Variants in PCDHGA11 observed in about 807,000 individuals in gnomAD.
PCDHGA11 encodes protocadherin gamma-A11.
PCDHGA11 carries 39 observed loss-of-function variants against 60.4 expected under a neutral mutation model. The observed-to-expected ratio is 0.65, with a 90% CI of 0.50 to 0.84. The LOEUF is 0.84. Ranked by LOEUF, PCDHGA11 falls within the 40% of genes least tolerant of loss-of-function variation. The probability of loss-of-function intolerance (pLI) is 0.00; values close to 1 mark genes in which losing one functional copy is unlikely to be tolerated. For synonymous variants in PCDHGA11, 533 were observed against 510.3 expected (o/e 1.04, Z -0.60); for missense variants, 1,165 against 1,197.7 (o/e 0.97, Z 0.40).
At chr5:141,445,768 T>A (rs2098476928) in intron 1 of PCDHGA11, among the ~76,000 whole-genome samples, 1 of 152,074 alleles carries the variant, frequency 6.6e-6, no homozygotes, top group Admixed American at 6.6e-5. Context: ...CTCAAGCAAT[T>A]TAAAAGGGCT....
At chr5:141,484,392 T>G (rs1454201773) in intron 1 of PCDHGA11, among the ~76,000 whole-genome samples, 1 of 152,162 alleles carries the variant, frequency 6.6e-6, no homozygotes, top group African/African-American at 2.4e-5. Flanking sequence ...TAAGAAAGGT[T>G]TGGTTTCCGC....
At chr5:141,471,860 A>G (rs1470502617) in intron 1 of PCDHGA11, among the ~76,000 whole-genome samples, 1 of 152,202 alleles carries the variant, frequency 6.6e-6, no homozygotes, top group Non-Finnish European at 1.5e-5. Flanking sequence ...AAAAAGCAAA[A>G]CTGTGGTTGC....
intron 1 of PCDHGA11, among the ~76,000 whole-genome samples, chr5:141,439,623 C>T (rs1219064055): frequency 6.6e-6 from 1 of 152,186 alleles, no homozygotes; most frequent in East Asian, 1.9e-4. Context: ...ATGAGCCAAT[C>T]CCCAGACATT....
In PCDHGA11 at chr5:141,432,700, G is replaced by C. The variant is rs1320099367; in HGVS notation, c.2433+9040G>C. 4 of 1,613,980 alleles carry C rather than the reference G, an allele frequency of 2.5e-6. No individual in the cohort carries two copies. In the Admixed American group the frequency reaches 6.7e-5, roughly 27 times the overall value. ...AGCAGAGCCTCGTAGTGGCCGTCCA[G>C]GACCACGGCCAGCCCCCTCTCTCCG... On this transcript the variant is annotated intron_variant, in intron 1 of 3. Coordinates refer to ENST00000398587, the MANE Select transcript of PCDHGA11 (RefSeq NM_018914.3). The surrounding 1 kb of genome is among the most constrained non-coding windows in gnomAD (Gnocchi z 6.0).
At chr5:141,470,838 C>T (rs142581300) in intron 1 of PCDHGA11, among the ~76,000 whole-genome samples, 5 of 152,222 alleles carry the variant, frequency 3.3e-5, no homozygotes, top group African/African-American at 7.2e-5. Flanking sequence ...CAAACACACG[C>T]CACCATGCTC....
At chr5:141,478,045 T>C in intron 1 of PCDHGA11, 3 of 1,614,144 alleles carry the variant, frequency 1.9e-6, no homozygotes, top group East Asian at 2.2e-5. Flanking sequence ...CCAGGCAGAC[T>C]CTCACGGTCT....
intron 1 of PCDHGA11, chr5:141,426,496 G>A: frequency 3.0e-6 from 1 of 337,022 alleles, no homozygotes; most frequent in South Asian, 2.4e-5. Flanking sequence ...AGTTAGTGCA[G>A]AGAAACAATA....
chr5:141,467,554 T>A (rs2099145880), intron 1 of PCDHGA11, among the ~76,000 whole-genome samples: 1 of 152,238 alleles, frequency 6.6e-6, no homozygotes. Flanking sequence ...TATATCTTTT[T>A]TCCCAAATGG....
At position 141,423,653 on chromosome 5, in the gene PCDHGA11, G is replaced by A; in HGVS notation, c.2426G>A (p.Ser809Asn). ...ATTTTAGGCAAATGTGACCCGACAA[G>A]TAATCAGGTGAGATTTATTTCTCTG... ...AIILGKCDPTSNQQAPPNTDW... is the reference protein window; with the variant it reads ...AIILGKCDPTNNQQAPPNTDW... Residue 809 changes from serine to asparagine, a missense_variant, in exon 1 of 4, where the codon AGT (serine) becomes AAT (asparagine). By Grantham distance (46) the Ser-to-Asn change is conservative. Transcript: ENST00000398587. 1 of 1,578,174 alleles carries A rather than the reference G, an allele frequency of 6.3e-7. No homozygotes were observed.
intron 1 of PCDHGA11, chr5:141,433,078 C>A (rs947684072): frequency 2.5e-5 from 40 of 1,614,144 alleles, no homozygotes; most frequent in Non-Finnish European, 3.3e-5. Context: ...TCCCCCAGCC[C>A]AACTATGCAG....
intron 1 of PCDHGA11, among the ~76,000 whole-genome samples, chr5:141,465,422 G>T (rs74711061): frequency 6.6e-6 from 1 of 152,142 alleles, no homozygotes; most frequent in Non-Finnish European, 1.5e-5. Context: ...AGCACTGAAA[G>T]GTGGGCACTT....
rs375665864 is a variant in PCDHGA11, at chr5:141,469,524, A to G, written c.2434-25283A>G. Among the ~76,000 whole-genome samples the G allele has an allele frequency of 2.4e-4, 36 of 152,260 alleles. No homozygotes were observed. The East Asian group carries it at 3.1e-3, about 13-fold the overall frequency. On this transcript the variant is annotated intron_variant, in intron 1 of 3. Coordinates refer to ENST00000398587, the MANE Select transcript of PCDHGA11 (RefSeq NM_018914.3). ...CGGGAGGTGGAGGTTGCAGTGAGCCAAGATTGTGCCACTGCACTCCAGCCT... is the reference window on the plus strand; with the variant it reads ...CGGGAGGTGGAGGTTGCAGTGAGCCGAGATTGTGCCACTGCACTCCAGCCT...
chr5:141,487,813 TG>T lies in PCDHGA11; in HGVS notation c.2434-6989del. 7.2e-7 allele frequency: 1 copy of T among 1,384,138 alleles called. No homozygotes were observed. 85.7% of individuals were successfully genotyped at this position (1,384,138 alleles called of 1,614,324 possible). A position where few individuals can be genotyped will look rare whatever the true frequency, so the allele number is the denominator to read the frequency against. On this transcript the variant is annotated intron_variant, in intron 1 of 3. Transcript: ENST00000398587. This position sits in a 1 kb window ranked among gnomAD's most constrained non-coding sequence, Gnocchi z 5.0. Reference sequence around the variant, plus strand: ...AACCAGAGTTGTCACAGTTTAGCATTGGGGGCGGGTCATGCCTATATCTGAG... The same window carrying T: ...AACCAGAGTTGTCACAGTTTAGCATTGGGGCGGGTCATGCCTATATCTGAG...
At position 141,485,291 on chromosome 5, in the gene PCDHGA11, C is replaced by A. The variant is rs114678203; in HGVS notation, c.2434-9516C>A. 436 of 1,614,150 alleles carry A rather than the reference C, an allele frequency of 2.7e-4. No homozygotes were observed. Among genetic ancestry groups the A allele is most frequent in the Middle Eastern group, 8.2e-4 (5 of 6,062 alleles). Reference sequence around the variant, plus strand: ...CCGCTACCCGGTCCCAGAGGAGTCACAGGAAGGGACTTTTGTAGGGAATGT... The same window carrying A: ...CCGCTACCCGGTCCCAGAGGAGTCAAAGGAAGGGACTTTTGTAGGGAATGT... On this transcript the variant is annotated intron_variant, in intron 1 of 3. Coordinates refer to ENST00000398587, the MANE Select transcript of PCDHGA11 (RefSeq NM_018914.3). The surrounding 1 kb of genome is among the most constrained non-coding windows in gnomAD (Gnocchi z 5.7).
At chr5:141,505,344 AGCT>A in intron 2 of PCDHGA11, 46 bp from the exon 3 acceptor site, 1 of 1,613,046 alleles carries the variant, frequency 6.2e-7, no homozygotes, top group South Asian at 1.1e-5. Flanking sequence ...GAGGGGCATG[AGCT>A]GTGCCGGCCT....
At chr5:141,500,568 T>C (rs1562196424) in intron 2 of PCDHGA11, among the ~76,000 whole-genome samples, 2 of 152,190 alleles carry the variant, frequency 1.3e-5, no homozygotes, top group Admixed American at 6.5e-5. Context: ...CTTGTCACAC[T>C]TTCATGTGAC....
chr5:141,463,886 C>T (rs1327677210), intron 1 of PCDHGA11, among the ~76,000 whole-genome samples: 3 of 152,118 alleles, frequency 2.0e-5, no homozygotes, highest in African/African-American at 4.8e-5. Flanking sequence ...AAAGTTTTCA[C>T]CTTGCTTTTT....
Position 141,477,609 on chromosome 5 carries a change from A to T in PCDHGA11, c.2434-17198A>T, listed in dbSNP as rs775454070. The T allele has an allele frequency of 6.2e-7, 1 of 1,614,192 alleles. No homozygotes were observed. The highest frequency in any genetic ancestry group is 1.1e-5 in the South Asian group (1 of 91,082). ...GCTCGGCTTTCTTTCTTTCTCTTGG[A>T]GCAAGGAGCTGAAACCGGGCTAGTG... On this transcript the variant is annotated intron_variant, in intron 1 of 3. Transcript: ENST00000398587. The surrounding 1 kb of genome is among the most constrained non-coding windows in gnomAD (Gnocchi z 4.9).
rs144203659 is a variant in PCDHGA11, at chr5:141,431,011, G to A, written c.2433+7351G>A. The A allele has an allele frequency of 1.5e-5, 24 of 1,613,168 alleles. No individual in the cohort carries two copies. The highest frequency in any genetic ancestry group is 1.7e-5 in the Non-Finnish European group (20 of 1,179,310). ...CCCTGAATCCGCGCAGCGGCAGCTTGGTCACGGCGGGCAGGATAGACCGGG... is the reference window on the plus strand; with the variant it reads ...CCCTGAATCCGCGCAGCGGCAGCTTAGTCACGGCGGGCAGGATAGACCGGG... On this transcript the variant is annotated intron_variant, in intron 1 of 3. Transcript: ENST00000398587. This position sits in a 1 kb window ranked among gnomAD's most constrained non-coding sequence, Gnocchi z 4.8.
Sources: gnomAD v4.1 joint callset for allele counts (sites outside exome capture counted in the v4.1 genomes callset) on GRCh38, gnomAD v4.1.1 for gene constraint, Gnocchi (gnomAD v3.1) non-coding constraint, MANE v1.5 for transcripts, NCBI Gene and HGNC (gene_info 2026-07-23, HGNC 2026-07-21) for gene names.